SORCS2: variants seen among roughly 807,000 people sequenced by gnomAD.
SORCS2 encodes the protein VPS10 domain-containing receptor SorCS2.
In SORCS2, 100 loss-of-function variants were observed where a neutral mutation model predicts 141.6. The ratio of observed to expected loss-of-function variants is 0.71; its 90% CI spans 0.60 to 0.83. SORCS2 has a LOEUF of 0.83. SORCS2 is among the 40% of genes least tolerant of loss of function. The pLI is 0.00. For missense variants in SORCS2, 1,646 were observed against 1,560.2 expected (o/e 1.05, Z -0.93); for synonymous variants, 789 against 676.9 (o/e 1.17, Z -2.57).
intron 2 of SORCS2, among the ~76,000 whole-genome samples, chr4:7,512,886 G>A (rs943451631): frequency 5.9e-5 from 9 of 152,164 alleles, no homozygotes; most frequent in Non-Finnish European, 1.3e-4. Context: ...TGCCCTGCGG[G>A]CCCTGCCCCT....
intron 2 of SORCS2, among the ~76,000 whole-genome samples, chr4:7,477,529 A>C (rs371491517): frequency 1.6e-4 from 24 of 152,174 alleles, no homozygotes; most frequent in African/African-American, 5.8e-4. Context: ...AGTGCTCTTC[A>C]AGCCTGCACA....
intron 1 of SORCS2, among the ~76,000 whole-genome samples, chr4:7,361,171 T>A (rs1721557276): frequency 6.6e-6 from 1 of 152,240 alleles, no homozygotes; most frequent in South Asian, 2.1e-4. Context: ...ACAAAATACA[T>A]AATTTGGAGG....
chr4:7,549,388 G>A (rs1179171160), intron 3 of SORCS2, among the ~76,000 whole-genome samples: 1 of 151,740 alleles, frequency 6.6e-6, no homozygotes, highest in African/African-American at 2.4e-5. Context: ...CAGCATTCTA[G>A]ATGTTGGCCT....
chr4:7,570,338 G>A (rs1715303946), intron 3 of SORCS2, among the ~76,000 whole-genome samples: 1 of 152,202 alleles, frequency 6.6e-6, no homozygotes, highest in Non-Finnish European at 1.5e-5. Flanking sequence ...ACTCATGACG[G>A]TGCCTCCTCG....
In SORCS2 at chr4:7,740,833, A is replaced by T; in HGVS notation, c.*569A>T. 2.6e-6 allele frequency: 1 copy of T among 385,412 alleles called. No individual in the cohort carries two copies. The highest frequency in any genetic ancestry group is 4.6e-6 in the Non-Finnish European group (1 of 218,210). 23.9% of individuals were successfully genotyped at this position (385,412 alleles called of 1,614,324 possible). A position where few individuals can be genotyped will look rare whatever the true frequency, so the allele number is the denominator to read the frequency against. On this transcript the variant is annotated 3_prime_UTR_variant, in exon 27 of 27. Coordinates refer to ENST00000507866, the MANE Select transcript of SORCS2 (RefSeq NM_020777.3). ...ACTGCAGCTCTGTAAATGCCTCTCT[A>T]GGTAGCTGCTGGCGGTGGTGGGGGT...
At chr4:7,200,750 C>A (rs934553885) in intron 1 of SORCS2, among the ~76,000 whole-genome samples, 1 of 152,130 alleles carries the variant, frequency 6.6e-6, no homozygotes, top group Non-Finnish European at 1.5e-5. Flanking sequence ...CCTCTCTGAG[C>A]CTTTTTCCTC....
intron 3 of SORCS2, among the ~76,000 whole-genome samples, chr4:7,603,420 G>C (rs1252710071): frequency 1.3e-5 from 2 of 152,152 alleles, no homozygotes; most frequent in Admixed American, 6.5e-5. Context: ...TCTGTGCTGT[G>C]ATTCTTGGTT....
chr4:7,395,580 G>A (rs745312779), intron 1 of SORCS2, among the ~76,000 whole-genome samples: 1 of 152,128 alleles, frequency 6.6e-6, no homozygotes, highest in Admixed American at 6.5e-5. Flanking sequence ...ACAGTTAGGT[G>A]CTCCTAAACA....
chr4:7,417,938 T>C (rs1725803387), intron 2 of SORCS2, among the ~76,000 whole-genome samples: 1 of 151,722 alleles, frequency 6.6e-6, no homozygotes, highest in Admixed American at 6.6e-5. Flanking sequence ...AACATAAGAG[T>C]GAGCCAGCAG....
intron 1 of SORCS2, among the ~76,000 whole-genome samples, chr4:7,323,373 C>T (rs879900836): frequency 5.3e-5 from 8 of 152,106 alleles, no homozygotes; most frequent in Admixed American, 1.3e-4. Context: ...ATGCTGGGAT[C>T]GAGTGAAATA....
intron 3 of SORCS2, among the ~76,000 whole-genome samples, chr4:7,543,742 A>AT (rs1712944532): frequency 1.1e-5 from 1 of 87,390 alleles, no homozygotes. Context: ...CCACCCATCC[A>AT]CCCATCCACC....
chr4:7,345,612 C>T (rs773017329), intron 1 of SORCS2, among the ~76,000 whole-genome samples: 3 of 152,106 alleles, frequency 2.0e-5, no homozygotes, highest in Admixed American at 6.5e-5. Flanking sequence ...AGGACCTCTC[C>T]AAACCTCCGT....
At chr4:7,708,129 A>T (rs1341266668) in intron 14 of SORCS2, among the ~76,000 whole-genome samples, 1 of 152,188 alleles carries the variant, frequency 6.6e-6, no homozygotes, top group East Asian at 1.9e-4. Context: ...TGTCTGTAGC[A>T]TGGGGACTTA....
intron 2 of SORCS2, among the ~76,000 whole-genome samples, chr4:7,419,863 G>A (rs751274107): frequency 1.3e-5 from 2 of 152,168 alleles, no homozygotes; most frequent in Non-Finnish European, 2.9e-5. Context: ...CAGTGATTCA[G>A]TGGCTTCCTA....
intron 5 of SORCS2, among the ~76,000 whole-genome samples, chr4:7,658,784 C>A (rs549337096): frequency 6.6e-6 from 1 of 152,308 alleles, no homozygotes; most frequent in South Asian, 2.1e-4. Flanking sequence ...TGGTGCCAGG[C>A]AGGTTGGGAG....
intron 1 of SORCS2, among the ~76,000 whole-genome samples, chr4:7,317,488 C>T (rs1048152884): frequency 2.0e-5 from 3 of 152,236 alleles, no homozygotes; most frequent in African/African-American, 7.2e-5. Context: ...GGCGGGCCTG[C>T]CACCGCCCTG....
intron 1 of SORCS2, among the ~76,000 whole-genome samples, chr4:7,304,618 TCGA>T: frequency 6.6e-6 from 1 of 152,152 alleles, no homozygotes; most frequent in East Asian, 1.9e-4. Flanking sequence ...TTCTTAGCCC[TCGA>T]TTCTTCCTCT....
chr4:7,502,602 T>C (rs1183037377), intron 2 of SORCS2, among the ~76,000 whole-genome samples: 1 of 152,244 alleles, frequency 6.6e-6, no homozygotes, highest in Non-Finnish European at 1.5e-5. Flanking sequence ...TTGATCACCT[T>C]GTCCCTTCCC....
At chr4:7,724,870 AGTGG>A in intron 19 of SORCS2, among the ~76,000 whole-genome samples, 1 of 77,520 alleles carries the variant, frequency 1.3e-5, no homozygotes, top group African/African-American at 6.6e-5. Flanking sequence ...TGGTGGTGGT[AGTGG>A]TGATGGTGGT....
Sources: gnomAD v4.1 joint callset for allele counts (sites outside exome capture counted in the v4.1 genomes callset) on GRCh38, gnomAD v4.1.1 for gene constraint, MANE v1.5 for transcripts, NCBI Gene and HGNC (gene_info 2026-07-23, HGNC 2026-07-21) for gene names.